The following MBOAT2 variants were observed in gnomAD, a reference collection of about 807,000 sequenced individuals.
MBOAT2 encodes membrane-bound glycerophospholipid O-acyltransferase 2.
MBOAT2 carries 28 observed loss-of-function variants against 63.4 expected under a neutral mutation model. That is an observed-to-expected ratio of 0.44 (90% CI 0.33 to 0.61). MBOAT2 has a LOEUF of 0.61. Among genes scored for constraint, MBOAT2 ranks in the 20% least tolerant of loss-of-function variants. The pLI is 0.03. For missense variants in MBOAT2, 470 were observed against 605.8 expected, an observed-to-expected ratio of 0.78 and a Z score of 2.35; for synonymous variants, 211 against 215.6, an observed-to-expected ratio of 0.98 and a Z score of 0.19.
intron 6 of MBOAT2, among the ~76,000 whole-genome samples, chr2:8,879,470 T>C (rs143420882): frequency 6.6e-6 from 1 of 152,344 alleles, no homozygotes; most frequent in African/African-American, 2.4e-5. Flanking sequence ...AATGAGAACT[T>C]AAGTCTAATT....
At position 9,003,098 on chromosome 2, in the gene MBOAT2, G is replaced by GGC. The variant is rs1160710107; in HGVS notation, c.75+440_75+441dup. Among the ~76,000 whole-genome samples the GGC allele has an allele frequency of 1.3e-5, 2 of 151,976 alleles. No individual in the cohort carries two copies. Among genetic ancestry groups the GGC allele is most frequent in the African/African-American group, 4.8e-5 (2 of 41,392 alleles). On this transcript the variant is annotated intron_variant, in intron 1 of 12. Coordinates refer to ENST00000305997, the MANE Select transcript of MBOAT2 (RefSeq NM_138799.4). This position sits in a 1 kb window ranked among gnomAD's most constrained non-coding sequence, Gnocchi z 5.4. Reference sequence around the variant, plus strand: ...TCAGCCTCTCCGGGGGTCGCTCAGAGGCGCGCGCGGGGCAGGCAGCACCAC... The same window carrying GGC: ...TCAGCCTCTCCGGGGGTCGCTCAGAGGCGCGCGCGCGGGGCAGGCAGCACCAC...
intron 6 of MBOAT2, among the ~76,000 whole-genome samples, chr2:8,879,279 C>A (rs1429634244): frequency 6.6e-6 from 1 of 152,174 alleles, no homozygotes; most frequent in Non-Finnish European, 1.5e-5. Flanking sequence ...TGTACTCTAG[C>A]AGCAGAGCTC....
chr2:8,985,173 A>G (rs983595524), intron 1 of MBOAT2, among the ~76,000 whole-genome samples: 8 of 152,298 alleles, frequency 5.3e-5, no homozygotes, highest in East Asian at 1.9e-4. Context: ...TCAACTGGCT[A>G]TATTAGCTGA....
chr2:8,936,717 G>T (rs1054634192), intron 3 of MBOAT2, among the ~76,000 whole-genome samples: 1 of 143,316 alleles, frequency 7.0e-6, no homozygotes, highest in African/African-American at 2.6e-5. Context: ...GAACCCGGGA[G>T]ACAGAGGTTG....
At position 8,853,722 on chromosome 2, in the gene MBOAT2, C is replaced by T. The variant is rs1248110649; in HGVS notation, c.*4957G>A. ...CAGACAGCGGTTCTGCATGGGTCAT[C>T]ACACTATAATTTACAGAACATACAG... On this transcript the variant is annotated 3_prime_UTR_variant, in exon 13 of 13. Transcript: ENST00000305997. 2 of 152,170 alleles carry T rather than the reference C, an allele frequency of 1.3e-5. No individual in the cohort carries two copies. Among genetic ancestry groups the T allele is most frequent in the African/African-American group, 4.8e-5 (2 of 41,430 alleles). 9.4% of individuals were successfully genotyped at this position (152,170 alleles called of 1,614,324 possible).
At chr2:8,976,514 T>A (rs954532987) in intron 1 of MBOAT2, among the ~76,000 whole-genome samples, 4 of 151,966 alleles carry the variant, frequency 2.6e-5, no homozygotes, top group Admixed American at 1.3e-4. Flanking sequence ...CATACACACA[T>A]CCCAAAGCAT....
intron 1 of MBOAT2, among the ~76,000 whole-genome samples, chr2:8,997,663 T>C (rs990717625): frequency 6.6e-6 from 1 of 152,210 alleles, no homozygotes; most frequent in Non-Finnish European, 1.5e-5. Flanking sequence ...AGGCCTGGCA[T>C]TTTACAAAGA....
intron 3 of MBOAT2, among the ~76,000 whole-genome samples, chr2:8,933,493 C>A (rs1244880980): frequency 6.6e-6 from 1 of 152,098 alleles, no homozygotes; most frequent in Admixed American, 6.6e-5. Context: ...ACAGGTATAT[C>A]ACCAAATCTG....
chr2:8,948,928 A>C (rs1040841821), intron 2 of MBOAT2, among the ~76,000 whole-genome samples: 9 of 152,316 alleles, frequency 5.9e-5, no homozygotes, highest in Non-Finnish European at 1.3e-4. Flanking sequence ...TGCTTTCCAC[A>C]ATGGCCGAAC....
At chr2:8,948,965 A>G (rs1668619325) in intron 2 of MBOAT2, among the ~76,000 whole-genome samples, 1 of 152,196 alleles carries the variant, frequency 6.6e-6, no homozygotes, top group Non-Finnish European at 1.5e-5. Flanking sequence ...CGTTGTATGA[A>G]GCATTCCCTT....
intron 1 of MBOAT2, among the ~76,000 whole-genome samples, chr2:8,984,942 G>A (rs184837369): frequency 8.0e-4 from 122 of 152,186 alleles, no homozygotes; most frequent in Non-Finnish European, 1.5e-3. Flanking sequence ...AGGGGCTGAG[G>A]GCCAGTGTTC....
At chr2:8,905,210 C>G (rs955694168) in intron 4 of MBOAT2, among the ~76,000 whole-genome samples, 1 of 152,144 alleles carries the variant, frequency 6.6e-6, no homozygotes, top group African/African-American at 2.4e-5. Flanking sequence ...CTATGATATT[C>G]ACGCTAATTA....
intron 1 of MBOAT2, among the ~76,000 whole-genome samples, chr2:8,976,910 T>C (rs556750088): frequency 1.3e-5 from 2 of 152,146 alleles, no homozygotes; most frequent in Admixed American, 1.3e-4. Flanking sequence ...AAAATAATTA[T>C]GTGGAGTCCA....
intron 2 of MBOAT2, among the ~76,000 whole-genome samples, chr2:8,947,549 T>C (rs1429034707): frequency 1.3e-5 from 2 of 152,208 alleles, no homozygotes; most frequent in Non-Finnish European, 2.9e-5. Context: ...GACAGGCTAA[T>C]GCAGCTGGTG....
At chr2:8,868,618 G>A (rs990027653) in intron 8 of MBOAT2, 69 bp from the exon 9 acceptor site, 2 of 1,258,568 alleles carry the variant, frequency 1.6e-6, no homozygotes, top group Admixed American at 2.0e-5. Flanking sequence ...CTCCCAGAAG[G>A]TATGTGTTAT....
chr2:8,886,479 G>C (rs1238055845), intron 5 of MBOAT2, among the ~76,000 whole-genome samples: 1 of 152,186 alleles, frequency 6.6e-6, no homozygotes, highest in Non-Finnish European at 1.5e-5. Flanking sequence ...CTTAGACAGG[G>C]TTCAATCTAT....
rs548125189 is a variant in MBOAT2, at chr2:9,003,621, G to A, written c.-7C>T. 2 of 1,175,710 alleles carry A rather than the reference G, an allele frequency of 1.7e-6. No individual in the cohort carries two copies. The highest frequency in any genetic ancestry group is 2.1e-6 in the Non-Finnish European group (2 of 953,028). 72.8% of individuals were successfully genotyped at this position (1,175,710 alleles called of 1,614,324 possible). On this transcript the variant is annotated 5_prime_UTR_variant, in exon 1 of 13. Transcript: ENST00000305997. The surrounding 1 kb of genome is among the most constrained non-coding windows in gnomAD (Gnocchi z 5.4). ...TGGTGCTGGTGGTGGCCATGGCCGG[G>A]CCTCGGCGCTCCGGCCGCCCGCGCC...
intron 2 of MBOAT2, among the ~76,000 whole-genome samples, chr2:8,945,544 T>C (rs1431799116): frequency 1.3e-5 from 2 of 152,156 alleles, no homozygotes; most frequent in Non-Finnish European, 1.5e-5. Context: ...CCCTCGTGAT[T>C]TCAGAACTGA....
intron 12 of MBOAT2, among the ~76,000 whole-genome samples, chr2:8,859,277 T>TTTAA (rs1661329587): frequency 6.6e-6 from 1 of 152,206 alleles, no homozygotes; most frequent in African/African-American, 2.4e-5. Flanking sequence ...AATGTGGAGA[T>TTTAA]AGTTAAGACT....
Sources: allele counts gnomAD v4.1 joint callset (sites outside exome capture counted in the v4.1 genomes callset), GRCh38; gene constraint gnomAD v4.1.1; non-coding constraint Gnocchi (gnomAD v3.1); transcripts MANE v1.5; gene names NCBI Gene and HGNC (gene_info 2026-07-23, HGNC 2026-07-21).